The following ZNF804A variants were observed in gnomAD, a reference collection of about 807,000 sequenced individuals.
The protein encoded by ZNF804A is zinc finger protein 804A.
ZNF804A carries 2 observed loss-of-function variants against 16.5 expected under a neutral mutation model. That is an observed-to-expected ratio of 0.12 (90% CI 0.05 to 0.38). The LOEUF is 0.38. Ranked by LOEUF, ZNF804A falls within the 10% of genes least tolerant of loss-of-function variation. The probability of loss-of-function intolerance (pLI) is 0.99; values close to 1 mark genes in which losing one functional copy is unlikely to be tolerated. For missense variants in ZNF804A, 1,473 were observed against 1,390.7 expected (o/e 1.06, Z -0.94); for synonymous variants, 534 against 489.6 (o/e 1.09, Z -1.20).
intron 1 of ZNF804A, among the ~76,000 whole-genome samples, chr2:184,651,409 AG>A (rs1691980705): frequency 6.6e-6 from 1 of 152,176 alleles, no homozygotes. Flanking sequence ...AGTCCTCAAA[AG>A]CAATTGCAAC....
chr2:184,903,305 T>C (rs1388249587), intron 2 of ZNF804A, among the ~76,000 whole-genome samples: 1 of 152,114 alleles, frequency 6.6e-6, no homozygotes, highest in African/African-American at 2.4e-5. Context: ...TATATAGCAA[T>C]GACCCCATAA....
chr2:184,726,778 C>G (rs1478379991), intron 1 of ZNF804A, among the ~76,000 whole-genome samples: 4 of 151,350 alleles, frequency 2.6e-5, no homozygotes, highest in Non-Finnish European at 5.9e-5. Flanking sequence ...ACAGTTATCC[C>G]TTGAATAAAT....
intron 1 of ZNF804A, among the ~76,000 whole-genome samples, chr2:184,721,204 G>T (rs527600339): frequency 2.6e-5 from 4 of 152,090 alleles, no homozygotes; most frequent in African/African-American, 7.2e-5. Context: ...TTGTGGCTAA[G>T]ACCTCAAAAA....
At chr2:184,839,956 C>G (rs915418607) in intron 1 of ZNF804A, among the ~76,000 whole-genome samples, 3 of 152,004 alleles carry the variant, frequency 2.0e-5, no homozygotes, top group Non-Finnish European at 4.4e-5. Context: ...TTGAGGTGTC[C>G]ATGAACTTAA....
chr2:184,642,660 G>A (rs368803960), intron 1 of ZNF804A, among the ~76,000 whole-genome samples: 37 of 152,122 alleles, frequency 2.4e-4, no homozygotes, highest in Admixed American at 1.4e-3. Flanking sequence ...GCCAAGCCAA[G>A]TTTCATTAGT....
At chr2:184,785,125 G>T (rs1694427744) in intron 1 of ZNF804A, among the ~76,000 whole-genome samples, 1 of 151,902 alleles carries the variant, frequency 6.6e-6, no homozygotes, top group African/African-American at 2.4e-5. Flanking sequence ...CTATCTTAGG[G>T]TTTCCATCCC....
At chr2:184,924,779 CTTT>C (rs1300408542) in intron 2 of ZNF804A, among the ~76,000 whole-genome samples, 1 of 151,750 alleles carries the variant, frequency 6.6e-6, no homozygotes, top group East Asian at 1.9e-4. Context: ...CAATTTCCTT[CTTT>C]ATCTCTTTAT....
chr2:184,862,053 GAC>G (rs1035382270), intron 1 of ZNF804A, among the ~76,000 whole-genome samples: 1 of 152,174 alleles, frequency 6.6e-6, no homozygotes, highest in Non-Finnish European at 1.5e-5. Context: ...CACTCTCAGT[GAC>G]ACAGTACAGA....
intron 1 of ZNF804A, among the ~76,000 whole-genome samples, chr2:184,709,609 A>C (rs911095420): frequency 6.6e-6 from 1 of 151,776 alleles, no homozygotes; most frequent in African/African-American, 2.4e-5. Context: ...AAGTATCAAA[A>C]AAACCTCGAG....
In ZNF804A at chr2:184,757,421, T is replaced by C. The variant is rs189886758; in HGVS notation, c.112-108948T>C. Among the ~76,000 whole-genome samples, 890 of 152,018 alleles carry C rather than the reference T, an allele frequency of 5.9e-3. 4 individuals carry two copies. The highest frequency in any genetic ancestry group is 0.024 in the Middle Eastern group (7 of 294). The stretch of plus-strand genomic sequence containing the variant: ...TCTCCTGCTTGAATTATTGCAACTA[T>C]CTCCACATTAATCTTGCTTGTTCCT... On this transcript the variant is annotated intron_variant, in intron 1 of 3. Coordinates refer to ENST00000302277, the MANE Select transcript of ZNF804A (RefSeq NM_194250.2).
intron 1 of ZNF804A, among the ~76,000 whole-genome samples, chr2:184,613,717 C>A (rs1008177049): frequency 1.6e-4 from 24 of 152,060 alleles, no homozygotes; most frequent in African/African-American, 5.6e-4. Context: ...CCTAGGAATA[C>A]AACTTACATG....
chr2:184,840,281 T>A lies in ZNF804A; in HGVS notation c.112-26088T>A, dbSNP rs138725892. On this transcript the variant is annotated intron_variant, in intron 1 of 3. Transcript: ENST00000302277. ...GGCACCCACCTGTAATTTCAGCTAC[T>A]CAGGAGGCAGAAGAATCGCTTGAAC... Among the ~76,000 whole-genome samples the A allele has an allele frequency of 9.1e-3, 1,389 of 152,060 alleles. 24 individuals are homozygous for A. Among genetic ancestry groups the A allele is most frequent in the African/African-American group, 0.032 (1,327 of 41,504 alleles).
chr2:184,880,398 C>T (rs1684790697), intron 2 of ZNF804A, among the ~76,000 whole-genome samples: 1 of 151,770 alleles, frequency 6.6e-6, no homozygotes, highest in African/African-American at 2.4e-5. Flanking sequence ...TTTCTTTGTA[C>T]AAAATTATTT....
chr2:184,750,100 A>G (rs1693856557), intron 1 of ZNF804A, among the ~76,000 whole-genome samples: 2 of 151,350 alleles, frequency 1.3e-5, no homozygotes, highest in African/African-American at 4.8e-5. Flanking sequence ...CTTTCTTTGT[A>G]CTAATTTTTT....
At chr2:184,835,937 A>G (rs970951021) in intron 1 of ZNF804A, among the ~76,000 whole-genome samples, 51 of 152,160 alleles carry the variant, frequency 3.4e-4, no homozygotes, top group African/African-American at 1.2e-3. Context: ...TATTTGTTCT[A>G]TAGACAATGG....
At chr2:184,795,078 G>T (rs1377196735) in intron 1 of ZNF804A, among the ~76,000 whole-genome samples, 1 of 151,916 alleles carries the variant, frequency 6.6e-6, no homozygotes, top group African/African-American at 2.4e-5. Context: ...TGGATTTACA[G>T]ATATTTACAG....
intron 1 of ZNF804A, among the ~76,000 whole-genome samples, chr2:184,782,679 G>GTATATCCTATATATAGGATA (rs1694389430): frequency 6.8e-6 from 1 of 147,036 alleles, no homozygotes; most frequent in African/African-American, 2.5e-5. Context: ...AATAGGATAT[G>GTATATCCTATATATAGGATA]TATATCCTAT....
chr2:184,913,895 A>C (rs913969165), intron 2 of ZNF804A, among the ~76,000 whole-genome samples: 1 of 152,240 alleles, frequency 6.6e-6, no homozygotes, highest in Admixed American at 6.5e-5. Context: ...ATCATCTTTT[A>C]ATTATCACCA....
At chr2:184,733,976 G>A (rs1370248341) in intron 1 of ZNF804A, among the ~76,000 whole-genome samples, 1 of 151,822 alleles carries the variant, frequency 6.6e-6, no homozygotes, top group African/African-American at 2.4e-5. Flanking sequence ...TTTGATGTCT[G>A]TATTTTAGTT....
Sources: allele counts gnomAD v4.1 joint callset (sites outside exome capture counted in the v4.1 genomes callset), GRCh38; gene constraint gnomAD v4.1.1; transcripts MANE v1.5; gene names NCBI Gene and HGNC (gene_info 2026-07-23, HGNC 2026-07-21).